UBXN11: variants seen among roughly 807,000 people sequenced by gnomAD.
UBXN11 encodes the protein UBX domain-containing protein 11.
UBXN11 carries 47 observed loss-of-function variants against 62.8 expected under a neutral mutation model. That is an observed-to-expected ratio of 0.75 (90% CI 0.59 to 0.95). The LOEUF (loss-of-function observed/expected upper bound fraction) is 0.95, where lower values mean the gene tolerates loss of function less well. Ranked by LOEUF, UBXN11 falls within the 40% of genes least tolerant of loss-of-function variation. The pLI is 0.00. For synonymous variants in UBXN11, 294 were observed against 267.0 expected (o/e 1.10, Z -0.99); for missense variants, 638 against 661.7 (o/e 0.96, Z 0.39).
At chr1:26,294,416 C>CA in intron 7 of UBXN11, 85 bp from the exon 8 acceptor site, 1 of 1,554,404 alleles carries the variant, frequency 6.4e-7, no homozygotes, top group African/African-American at 1.4e-5. Flanking sequence ...AGCCCAGCCT[C>CA]AGTCTGCAGG....
intron 8 of UBXN11, among the ~76,000 whole-genome samples, chr1:26,289,343 C>T (rs938060549): frequency 6.6e-6 from 1 of 152,120 alleles, no homozygotes; most frequent in African/African-American, 2.4e-5. Context: ...CCACTCACCC[C>T]TACCTCCTCC....
intron 4 of UBXN11, among the ~76,000 whole-genome samples, chr1:26,300,395 G>C (rs755876923): frequency 6.6e-6 from 1 of 152,172 alleles, no homozygotes; most frequent in African/African-American, 2.4e-5. Context: ...CTTATCCCCA[G>C]CATCCCCAGA....
chr1:26,291,669 G>A (rs953978242), intron 8 of UBXN11, among the ~76,000 whole-genome samples: 1 of 152,208 alleles, frequency 6.6e-6, no homozygotes, highest in Non-Finnish European at 1.5e-5. Context: ...AGGGCCCAGG[G>A]TGCGGCACTT....
At chr1:26,300,599 C>A (rs575106729) in intron 4 of UBXN11, among the ~76,000 whole-genome samples, 2 of 151,194 alleles carry the variant, frequency 1.3e-5, no homozygotes, top group Admixed American at 1.3e-4. Context: ...CTTGCCAGAG[C>A]CCTGCAGAAG....
chr1:26,312,645 C>T (rs915383129), intron 1 of UBXN11, among the ~76,000 whole-genome samples: 2 of 151,970 alleles, frequency 1.3e-5, no homozygotes, highest in Non-Finnish European at 2.9e-5. Context: ...CACTCATTCA[C>T]CTTGCCTGAC....
At chr1:26,315,347 T>A (rs1356226895) in intron 1 of UBXN11, among the ~76,000 whole-genome samples, 5 of 152,160 alleles carry the variant, frequency 3.3e-5, no homozygotes, top group African/African-American at 9.7e-5. Context: ...GATTGCACAG[T>A]GTGATGGAGC....
At chr1:26,295,217 C>T (rs11247903) in intron 7 of UBXN11, among the ~76,000 whole-genome samples, 1 of 151,868 alleles carries the variant, frequency 6.6e-6, no homozygotes, top group East Asian at 2.0e-4. Context: ...AATCCTCTGT[C>T]GCCCATTCCT....
chr1:26,303,914 T>C (rs1053677461), intron 1 of UBXN11, among the ~76,000 whole-genome samples: 8 of 152,174 alleles, frequency 5.3e-5, no homozygotes, highest in African/African-American at 1.9e-4. Context: ...TTCCTTTCCT[T>C]TCCTCTTCCT....
chr1:26,300,942 G>A lies in UBXN11; in HGVS notation c.183C>T (p.Ala61=). ...TGCTCTCACCTTGCCGACTCACAGG[G>A]GCACCTATGCCGCCATAGCAGGAAG... The part of the protein sequence containing the change: ...SVPSCYGGIG[A]PVSRQVPASH... The change falls in exon 4 of 15, where the codon GCC becomes GCT. Residue 61 remains alanine, a synonymous_variant. Coordinates refer to ENST00000374222, the MANE Select transcript of UBXN11 (RefSeq NM_001389556.1). 6.2e-7 allele frequency: 1 copy of A among 1,614,198 alleles called. No individual in the cohort carries two copies. Among genetic ancestry groups the A allele is most frequent in the Non-Finnish European group, 8.5e-7 (1 of 1,180,028 alleles).
At position 26,287,756 on chromosome 1, in the gene UBXN11, C is replaced by A. The variant is rs908189545; in HGVS notation, c.560-1719G>T. 3.3e-5 allele frequency among the ~76,000 whole-genome samples: 5 copies of A among 152,138 alleles called. No homozygotes were observed. The East Asian group carries it at 9.6e-4, about 29-fold the overall frequency. On this transcript the variant is annotated intron_variant, in intron 8 of 14. Coordinates refer to ENST00000374222, the MANE Select transcript of UBXN11 (RefSeq NM_001389556.1). ...TACCTGCCCCCAGCCCCTCCGGGGG[C>A]TCCCCACATAGTCCCTGAGATTCCC... is the stretch of plus-strand genomic sequence containing the variant.
At chr1:26,285,438 G>A in intron 10 of UBXN11, 26 bp downstream of exon 10, 4 of 1,607,148 alleles carry the variant, frequency 2.5e-6, no homozygotes, top group Non-Finnish European at 3.4e-6. Context: ...ATCCCCAAAG[G>A]TGTGGTTTGA....
chr1:26,318,005 A>C (rs2073816090), intron 1 of UBXN11: 3 of 1,613,916 alleles, frequency 1.9e-6, no homozygotes, highest in Non-Finnish European at 2.5e-6. Flanking sequence ...ACAGCCACGA[A>C]GATCCTACCA....
chr1:26,297,543 G>A, intron 5 of UBXN11, 62 bp from the exon 6 acceptor site: 1 of 1,480,030 alleles, frequency 6.8e-7, no homozygotes, highest in Non-Finnish European at 9.0e-7. Context: ...GCCCAGACAG[G>A]AAGCTCCAGA....
At chr1:26,312,666 T>G (rs1161144349) in intron 1 of UBXN11, among the ~76,000 whole-genome samples, 1 of 151,526 alleles carries the variant, frequency 6.6e-6, no homozygotes, top group Non-Finnish European at 1.5e-5. Context: ...ACACAGTAGG[T>G]GTCAATAAAT....
chr1:26,283,788 C>T (rs937971251), intron 12 of UBXN11, among the ~76,000 whole-genome samples: 4 of 152,080 alleles, frequency 2.6e-5, no homozygotes, highest in Admixed American at 6.5e-5. Context: ...GAATAGGGAG[C>T]GAGGAGACAG....
chr1:26,285,545 C>T lies in UBXN11; in HGVS notation c.775-4G>A. The T allele has an allele frequency of 6.4e-7, 1 of 1,573,384 alleles. No individual in the cohort carries two copies. The highest frequency in any genetic ancestry group is 8.7e-7 in the Non-Finnish European group (1 of 1,154,702). ...CCAATATGTCTCGGAGGCAGCGCTG[C>T]AAGGGAAGAGGAAAAGTGAGGGGGT... On this transcript the variant is annotated splice_region_variant and splice_polypyrimidine_tract_variant and intron_variant, in intron 9 of 14. Coordinates refer to ENST00000374222, the MANE Select transcript of UBXN11 (RefSeq NM_001389556.1).
chr1:26,295,241 C>G (rs1036056097), intron 7 of UBXN11, among the ~76,000 whole-genome samples: 5 of 152,054 alleles, frequency 3.3e-5, no homozygotes, highest in African/African-American at 1.2e-4. Flanking sequence ...GGATGACCCA[C>G]AAGGCCTGTG....
rs1299145779 is a variant in UBXN11 at position 26,300,961 on chromosome 1, C to G, written c.164G>C (p.Cys55Ser). 1 of 1,614,228 alleles carries G rather than the reference C, an allele frequency of 6.2e-7. No individual in the cohort carries two copies. Among genetic ancestry groups the G allele is most frequent in the African/African-American group, 1.3e-5 (1 of 75,070 alleles). Residue 55 changes from cysteine to serine, a missense_variant, in exon 4 of 15, where the codon TGC becomes TCC. Cys to Ser is a moderately radical substitution (Grantham distance 112). Coordinates refer to ENST00000374222, the MANE Select transcript of UBXN11 (RefSeq NM_001389556.1). The stretch of plus-strand genomic sequence containing the variant: ...CACAGGGGCACCTATGCCGCCATAG[C>G]AGGAAGGGACTGAGATCTTTTCTTC... Reference protein sequence around the residue: ...GSEEKISVPSCYGGIGAPVSR... With the variant: ...GSEEKISVPSSYGGIGAPVSR...
Position 26,282,303 on chromosome 1 carries a change from T to C in UBXN11, c.1559A>G (p.Gln520Arg). Residue 520 changes from glutamine (Q) to arginine (R), a missense_variant, in exon 15 of 15, where the codon CAA becomes CGA. Gln to Arg is a conservative substitution (Grantham distance 43, BLOSUM62 1). Transcript: ENST00000374222. ...SPCPGPSPSP[Q>R] is the part of the protein sequence containing the mutation. ...CGGGTTGAGGGGGCGGGTGCTTTAT[T>C]GGGGGCTGGGACTGGGTCCAGGACA... 7.0e-7 allele frequency: 1 copy of C among 1,434,752 alleles called. No homozygotes were observed. Among genetic ancestry groups the C allele is most frequent in the Non-Finnish European group, 9.1e-7 (1 of 1,104,514 alleles). 88.9% of individuals were successfully genotyped at this position (1,434,752 alleles called of 1,614,324 possible).
Sources: gnomAD v4.1 joint callset for allele counts (sites outside exome capture counted in the v4.1 genomes callset) on GRCh38, gnomAD v4.1.1 for gene constraint, MANE v1.5 for transcripts, NCBI Gene and HGNC (gene_info 2026-07-23, HGNC 2026-07-21) for gene names.